The following LIN7C variants were observed in gnomAD, a reference collection of about 807,000 sequenced individuals.
LIN7C encodes the protein lin-7 cell polarity scaffold C.
In LIN7C, 17 loss-of-function variants were observed where a neutral mutation model predicts 24.7. That is an observed-to-expected ratio of 0.69 (90% CI 0.47 to 1.03). The LOEUF (loss-of-function observed/expected upper bound fraction) is 1.03, where lower values mean the gene tolerates loss of function less well. Ranked by LOEUF, LIN7C falls within the 50% of genes least tolerant of loss-of-function variation. The pLI is 0.00. For synonymous variants in LIN7C, 90 were observed against 83.4 expected (o/e 1.08, Z -0.43); for missense variants, 204 against 239.0 (o/e 0.85, Z 0.97).
At chr11:27,504,494 T>C (rs1865254504) in intron 1 of LIN7C, among the ~76,000 whole-genome samples, 1 of 152,050 alleles carries the variant, frequency 6.6e-6, no homozygotes, top group African/African-American at 2.4e-5. Context: ...TCGTTGGGAG[T>C]GTTTGTTAAT....
intron 4 of LIN7C, 42 bp from the exon 5 acceptor site, chr11:27,498,846 G>C (rs1241536215): frequency 4.5e-6 from 7 of 1,554,332 alleles, no homozygotes; most frequent in Non-Finnish European, 4.4e-6. Flanking sequence ...TAATATCTAA[G>C]TTTTGAAAGT....
chr11:27,501,409 G>A, intron 3 of LIN7C, 86 bp downstream of exon 3: 1 of 842,134 alleles, frequency 1.2e-6, no homozygotes, highest in South Asian at 1.5e-5. Flanking sequence ...AGTCTTCAAA[G>A]TAAGTTTATT....
At chr11:27,501,720 T>A in intron 2 of LIN7C, 82 bp downstream of exon 2, 1 of 1,006,362 alleles carries the variant, frequency 9.9e-7, no homozygotes, top group Non-Finnish European at 1.5e-6. Context: ...AAGTTTTTCT[T>A]AAGAAATGTT....
chr11:27,501,435 C>G (rs1865224879), intron 3 of LIN7C, 60 bp downstream of exon 3: 3 of 1,008,728 alleles, frequency 3.0e-6, no homozygotes, highest in South Asian at 1.4e-5. Flanking sequence ...TTTAATAACT[C>G]CATATTTTAA....
At position 27,498,807 on chromosome 11, in the gene LIN7C, A is replaced by AG. The variant is rs1220099027; in HGVS notation, c.439-4dup. 7 of 1,608,254 alleles carry AG rather than the reference A, an allele frequency of 4.4e-6. No individual in the cohort carries two copies. The highest frequency in any genetic ancestry group is 1.7e-5 in the Admixed American group (1 of 58,768). On this transcript the variant is annotated splice_region_variant and splice_polypyrimidine_tract_variant and intron_variant, in intron 4 of 4. Coordinates refer to ENST00000278193, the MANE Select transcript of LIN7C (RefSeq NM_018362.4). ...TCATGATGTTCTCCTTCAACACTCT[A>AG]GGGGAAAAAAAAACAACCAACCATA... is the stretch of plus-strand genomic sequence containing the variant.
chr11:27,505,405 C>G (rs900973247), intron 1 of LIN7C, among the ~76,000 whole-genome samples: 2 of 152,208 alleles, frequency 1.3e-5, no homozygotes, highest in African/African-American at 4.8e-5. Context: ...AAAACTTACT[C>G]CTGTTAACAC....
At chr11:27,501,419 T>G in intron 3 of LIN7C, 76 bp downstream of exon 3, 1 of 915,494 alleles carries the variant, frequency 1.1e-6, no homozygotes, top group Non-Finnish European at 1.7e-6. Context: ...GTAAGTTTAT[T>G]ATGAATTTAA....
At chr11:27,501,697 T>C in intron 2 of LIN7C, 105 bp downstream of exon 2, 1 of 919,980 alleles carries the variant, frequency 1.1e-6, no homozygotes, top group Non-Finnish European at 1.7e-6. Flanking sequence ...GGGACTGGTT[T>C]TAATGTTTTC....
intron 1 of LIN7C, among the ~76,000 whole-genome samples, chr11:27,502,269 T>C (rs982406550): frequency 6.6e-6 from 1 of 152,200 alleles, no homozygotes; most frequent in Non-Finnish European, 1.5e-5. Context: ...ACATGAACAT[T>C]GTACTGCTTC....
chr11:27,501,708 TAA>T, intron 2 of LIN7C, 92 bp downstream of exon 2: 1 of 961,718 alleles, frequency 1.0e-6, no homozygotes, highest in African/African-American at 1.6e-5. Context: ...TAATGTTTTC[TAA>T]AGTTTTTCTT....
In LIN7C at chr11:27,496,379, C is replaced by T. The variant is rs1019769778; in HGVS notation, c.*2270G>A. 1 of 152,098 alleles carries T rather than the reference C, an allele frequency of 6.6e-6. No homozygotes were observed. Among genetic ancestry groups the T allele is most frequent in the Non-Finnish European group, 1.5e-5 (1 of 68,000 alleles). 9.4% of individuals were successfully genotyped at this position (152,098 alleles called of 1,614,324 possible). On this transcript the variant is annotated 3_prime_UTR_variant, in exon 5 of 5. Transcript: ENST00000278193. Reference sequence around the variant, plus strand: ...CACTTACTATGTACCTAGTTTTATTCACGAATCATCCATTTCTAAGATAAA... The same window carrying T: ...CACTTACTATGTACCTAGTTTTATTTACGAATCATCCATTTCTAAGATAAA...
intron 1 of LIN7C, among the ~76,000 whole-genome samples, chr11:27,503,812 G>A (rs1447244519): frequency 1.3e-5 from 2 of 149,098 alleles, no homozygotes; most frequent in Non-Finnish European, 3.0e-5. Context: ...ACACCTGGCA[G>A]AAAGATTATT....
Position 27,497,236 on chromosome 11 carries a change from T to C in LIN7C, c.*1413A>G, listed in dbSNP as rs935846861. On this transcript the variant is annotated 3_prime_UTR_variant, in exon 5 of 5. Coordinates refer to ENST00000278193, the MANE Select transcript of LIN7C (RefSeq NM_018362.4). The stretch of plus-strand genomic sequence containing the variant: ...CAGAAAAAAGCATACAATTCTATTC[T>C]TCCTGAAGGAATGTTACAAAATGCC... 3 of 152,592 alleles carry C rather than the reference T, an allele frequency of 2.0e-5. No individual in the cohort carries two copies. Among genetic ancestry groups the C allele is most frequent in the African/African-American group, 7.2e-5 (3 of 41,454 alleles). 9.5% of individuals were successfully genotyped at this position (152,592 alleles called of 1,614,324 possible). A position where few individuals can be genotyped will look rare whatever the true frequency, so the allele number is the denominator to read the frequency against.
At chr11:27,502,821 A>G (rs1865238603) in intron 1 of LIN7C, among the ~76,000 whole-genome samples, 1 of 152,218 alleles carries the variant, frequency 6.6e-6, no homozygotes, top group African/African-American at 2.4e-5. Flanking sequence ...ATTAATCATA[A>G]GAAATATTGG....
At position 27,494,992 on chromosome 11, in the gene LIN7C, T is replaced by G. The variant is rs1590437163; in HGVS notation, c.*3657A>C. 1 of 152,626 alleles carries G rather than the reference T, an allele frequency of 6.6e-6. No homozygotes were observed. Among genetic ancestry groups the G allele is most frequent in the Non-Finnish European group, 1.5e-5 (1 of 68,038 alleles). The allele number at this position is 152,626 out of a possible 1,614,324, so 9.5% of individuals were successfully genotyped here. A position where few individuals can be genotyped will look rare whatever the true frequency, so the allele number is the denominator to read the frequency against. On this transcript the variant is annotated 3_prime_UTR_variant, in exon 5 of 5. Transcript: ENST00000278193. The stretch of plus-strand genomic sequence containing the variant: ...TTATAAAATATTCACAAACATGTAG[T>G]TTTTTAAGTCTACACCAGGTCATGC...
Position 27,498,329 on chromosome 11 carries a change from G to A in LIN7C, c.*320C>T, listed in dbSNP as rs542123619. 5.3e-6 allele frequency: 1 copy of A among 190,100 alleles called. No homozygotes were observed. Among genetic ancestry groups the A allele is most frequent in the South Asian group, 1.9e-4 (1 of 5,226 alleles). 11.8% of individuals were successfully genotyped at this position (190,100 alleles called of 1,614,324 possible). ...TCCTTTCTAAAAAAAGATTAAGAAT[G>A]TAAAAGTACATTTTAATATTAAAAA... is the stretch of plus-strand genomic sequence containing the variant. On this transcript the variant is annotated 3_prime_UTR_variant, in exon 5 of 5. Transcript: ENST00000278193.
rs1447413407 is a variant in LIN7C, at chr11:27,498,472, T to C, written c.*177A>G. ...TTTACTTTTTCTTGTCAGAAAAAAG[T>C]GTATGCATCTCTGGAACCATAAATG... On this transcript the variant is annotated 3_prime_UTR_variant, in exon 5 of 5. Coordinates refer to ENST00000278193, the MANE Select transcript of LIN7C (RefSeq NM_018362.4). 3.5e-6 allele frequency: 2 copies of C among 573,388 alleles called. No individual in the cohort carries two copies. The highest frequency in any genetic ancestry group is 5.9e-6 in the Non-Finnish European group (2 of 341,528). 35.5% of individuals were successfully genotyped at this position (573,388 alleles called of 1,614,324 possible).
Position 27,499,587 on chromosome 11 carries a change from T to A in LIN7C, c.229-19A>T, listed in dbSNP as rs563063555. 295 of 1,596,282 alleles carry A rather than the reference T, an allele frequency of 1.8e-4. 7 individuals are homozygous for A. In the South Asian group the frequency reaches 3.2e-3, roughly 17 times the overall value. On this transcript the variant is annotated intron_variant, in intron 3 of 4. Transcript: ENST00000278193. ...CAGTAGCCTGAAAGAAAGTTTTACATATTAAAAATATGACTTTTATTTACT... is the reference window on the plus strand; with the variant it reads ...CAGTAGCCTGAAAGAAAGTTTTACAAATTAAAAATATGACTTTTATTTACT...
intron 3 of LIN7C, among the ~76,000 whole-genome samples, chr11:27,499,994 C>G (rs1229978801): frequency 6.6e-6 from 1 of 152,186 alleles, no homozygotes; most frequent in Admixed American, 6.5e-5. Context: ...CACAAATTCA[C>G]TGGTGATTCT....
Sources: allele counts gnomAD v4.1 joint callset (sites outside exome capture counted in the v4.1 genomes callset), GRCh38; gene constraint gnomAD v4.1.1; transcripts MANE v1.5; gene names NCBI Gene and HGNC (gene_info 2026-07-23, HGNC 2026-07-21).